The following ICE2 variants were observed in gnomAD, a reference collection of about 807,000 sequenced individuals.
ICE2 encodes the protein little elongation complex subunit 2.
A neutral mutation model predicts 105.4 loss-of-function variants in ICE2; 87 were observed. The ratio of observed to expected loss-of-function variants is 0.83; its 90% CI spans 0.69 to 0.99. The LOEUF (loss-of-function observed/expected upper bound fraction) is 0.99. Among genes scored for constraint, ICE2 ranks in the 50% least tolerant of loss-of-function variants. The pLI is 0.00. For synonymous variants in ICE2, 399 were observed against 392.0 expected (o/e 1.02, Z -0.21); for missense variants, 1,323 against 1,146.7 (o/e 1.15, Z -2.22).
chr15:60,431,186 T>C (rs189548566), intron 14 of ICE2, among the ~76,000 whole-genome samples: 63 of 151,954 alleles, frequency 4.1e-4, no homozygotes, highest in East Asian at 1.2e-3. Context: ...TGTTCTTCTT[T>C]TTTTTTTTTA....
chr15:60,423,517 C>T lies in ICE2; in HGVS notation c.*117G>A. 2.2e-6 allele frequency: 2 copies of T among 899,582 alleles called. No homozygotes were observed. The highest frequency in any genetic ancestry group is 3.2e-6 in the Non-Finnish European group (2 of 621,164). The allele number at this position is 899,582 out of a possible 1,614,324, so 55.7% of individuals were successfully genotyped here. On this transcript the variant is annotated 3_prime_UTR_variant, in exon 16 of 16. Coordinates refer to ENST00000261520, the MANE Select transcript of ICE2 (RefSeq NM_024611.6). ...ATAGCCAACACATTTTTTCAAGGCA[C>T]TCTAGCTACTACAGGAAAAATGTTC...
intron 14 of ICE2, among the ~76,000 whole-genome samples, chr15:60,431,729 C>A (rs1038349768): frequency 6.6e-5 from 10 of 152,116 alleles, no homozygotes; most frequent in African/African-American, 2.4e-4. Flanking sequence ...AATAGACTTA[C>A]AGGAAAATGT....
intron 10 of ICE2, among the ~76,000 whole-genome samples, 159 bp from the exon 11 acceptor site, chr15:60,448,304 T>G (rs2063870533): frequency 1.3e-5 from 2 of 152,236 alleles, no homozygotes; most frequent in South Asian, 2.1e-4. Context: ...TCTGTTTACT[T>G]TTACTGGAAC....
intron 3 of ICE2, among the ~76,000 whole-genome samples, chr15:60,470,515 C>T (rs2064560969): frequency 6.6e-6 from 1 of 152,122 alleles, no homozygotes. Context: ...GCAGTACTAT[C>T]CTGCATATTT....
intron 5 of ICE2, among the ~76,000 whole-genome samples, chr15:60,460,280 T>C (rs1471698086): frequency 6.6e-6 from 1 of 152,184 alleles, no homozygotes; most frequent in Non-Finnish European, 1.5e-5. Context: ...GTGGATCACC[T>C]GAGGTCAGGA....
chr15:60,472,385 C>G (rs917818938), intron 3 of ICE2, among the ~76,000 whole-genome samples: 3 of 151,820 alleles, frequency 2.0e-5, no homozygotes, highest in African/African-American at 7.3e-5. Flanking sequence ...ATAATTATTA[C>G]AGCAATTAAG....
At chr15:60,477,348 G>A (rs1020349263) in intron 2 of ICE2, among the ~76,000 whole-genome samples, 27 of 152,188 alleles carry the variant, frequency 1.8e-4, no homozygotes, top group African/African-American at 6.0e-4. Context: ...AATAGTCTGA[G>A]TCAGGTACTA....
Position 60,442,271 on chromosome 15 carries a change from C to T in ICE2, c.2425+145G>A, listed in dbSNP as rs955991830. Reference sequence around the variant, plus strand: ...TCACATGACTATACTCCAGCCTGGGCAACAGAATGAGACCCTAAAACTAAT... The same window carrying T: ...TCACATGACTATACTCCAGCCTGGGTAACAGAATGAGACCCTAAAACTAAT... On this transcript the variant is annotated intron_variant, in intron 12 of 15. Coordinates refer to ENST00000261520, the MANE Select transcript of ICE2 (RefSeq NM_024611.6). 8.9e-5 allele frequency: 61 copies of T among 686,220 alleles called. No individual in the cohort carries two copies. The African/African-American group carries it at 1.1e-3, about 13-fold the overall frequency. 42.5% of individuals were successfully genotyped at this position (686,220 alleles called of 1,614,324 possible).
intron 5 of ICE2, 59 bp from the exon 6 acceptor site, chr15:60,456,853 ATT>A: frequency 9.0e-7 from 1 of 1,110,782 alleles, no homozygotes; most frequent in Non-Finnish European, 1.2e-6. Flanking sequence ...CAAAAAGAAA[ATT>A]TTTAGTTACA....
At chr15:60,441,505 T>A (rs2063719569) in intron 12 of ICE2, 1 of 152,186 alleles carries the variant, frequency 6.6e-6, no homozygotes, top group Non-Finnish European at 1.5e-5. Flanking sequence ...TTTATCAGAC[T>A]CTGACCTTAA....
intron 15 of ICE2, among the ~76,000 whole-genome samples, chr15:60,424,760 C>T (rs977197025): frequency 1.1e-4 from 16 of 152,336 alleles, no homozygotes; most frequent in African/African-American, 3.8e-4. Flanking sequence ...CCCGCCTCAG[C>T]CTCCCACAGT....
chr15:60,449,701 A>T lies in ICE2; in HGVS notation c.1266T>A (p.Thr422=). The part of the protein sequence containing the change: ...KVSKSPSPAS[T]STVPNMTDAP... ...CATCTGTCATGTTAGGTACTGTGGA[A>T]GTACTTGCTGGACTTGGTGATTTTG... The change falls in exon 10 of 16, where the codon ACT becomes ACA. Residue 422 remains threonine (T), a synonymous_variant. Coordinates refer to ENST00000261520, the MANE Select transcript of ICE2 (RefSeq NM_024611.6). 6.2e-7 allele frequency: 1 copy of T among 1,614,142 alleles called. No homozygotes were observed. Among genetic ancestry groups the T allele is most frequent in the Non-Finnish European group, 8.5e-7 (1 of 1,180,030 alleles).
At position 60,468,113 on chromosome 15, in the gene ICE2, G is replaced by C. The variant is rs2064481015; in HGVS notation, c.356C>G (p.Pro119Arg). The change falls in exon 4 of 16, where the codon CCT (proline) becomes CGT (arginine). Residue 119 changes from proline (P) to arginine (R), a missense_variant. Transcript: ENST00000261520. ...VDLLVKYAKI[P>R]ANSKAVGINK... ...TATTCCAACAGCTTTGGAATTTGCA[G>C]GAATCTTTGCGTATTTAACCAACAA... 6.2e-7 allele frequency: 1 copy of C among 1,613,854 alleles called. No individual in the cohort carries two copies. The highest frequency in any genetic ancestry group is 1.3e-5 in the African/African-American group (1 of 75,024).
At chr15:60,437,232 G>A (rs1042788853) in intron 12 of ICE2, among the ~76,000 whole-genome samples, 15 of 152,008 alleles carry the variant, frequency 9.9e-5, no homozygotes, top group African/African-American at 3.4e-4. Context: ...TCCAGCCTGG[G>A]TGACAGAGTA....
In ICE2 at chr15:60,448,980, C is replaced by G; in HGVS notation, c.1987G>C (p.Val663Leu). 3.7e-6 allele frequency: 6 copies of G among 1,614,012 alleles called. No individual in the cohort carries two copies. Among genetic ancestry groups the G allele is most frequent in the Non-Finnish European group, 5.1e-6 (6 of 1,179,982 alleles). Residue 663 changes from valine (V) to leucine (L), a missense_variant, in exon 10 of 16, where the codon GTA becomes CTA. Transcript: ENST00000261520. ...DELLKPISRK[V>L]PELPLMNLEN... ...AAATTCATTAAGGGCAATTCTGGTA[C>G]TTTTCTGGAAATTGGCTTTAAGAGC...
intron 5 of ICE2, among the ~76,000 whole-genome samples, chr15:60,464,225 G>C (rs1451559427): frequency 6.6e-6 from 1 of 152,138 alleles, no homozygotes; most frequent in Non-Finnish European, 1.5e-5. Context: ...TAGCTACCAA[G>C]TAATGTACTT....
rs946258099 is a variant in ICE2, at chr15:60,452,161, G to T, written c.1125+1442C>A. On this transcript the variant is annotated intron_variant, in intron 9 of 15. Coordinates refer to ENST00000261520, the MANE Select transcript of ICE2 (RefSeq NM_024611.6). ...AGGCAGATTTTTAAAAGTAAAATGT[G>T]TAAGAAGAAAACATAAGTTAAAAAT... 7 of 973,986 alleles carry T rather than the reference G, an allele frequency of 7.2e-6. No individual in the cohort carries two copies. In the South Asian group the frequency reaches 3.3e-4, roughly 46 times the overall value. 60.3% of individuals were successfully genotyped at this position (973,986 alleles called of 1,614,324 possible). A position where few individuals can be genotyped will look rare whatever the true frequency, so the allele number is the denominator to read the frequency against.
chr15:60,475,930 C>A (rs1449124828), intron 3 of ICE2, 133 bp downstream of exon 3: 22 of 561,404 alleles, frequency 3.9e-5, no homozygotes, highest in Non-Finnish European at 6.3e-5. Flanking sequence ...AAGATAAATA[C>A]CAGTGTTAAA....
chr15:60,455,205 A>G, intron 7 of ICE2, 43 bp from the exon 8 acceptor site: 1 of 1,544,942 alleles, frequency 6.5e-7, no homozygotes, highest in East Asian at 2.3e-5. Flanking sequence ...ATACTTATTG[A>G]AAATTTCTTC....
Sources: allele counts gnomAD v4.1 joint callset (sites outside exome capture counted in the v4.1 genomes callset), GRCh38; gene constraint gnomAD v4.1.1; transcripts MANE v1.5; gene names NCBI Gene and HGNC (gene_info 2026-07-23, HGNC 2026-07-21).